Variants in HNF4A observed in about 807,000 individuals in gnomAD.
The protein encoded by HNF4A is hepatocyte nuclear factor 4-alpha.
Under a neutral mutation model 52.4 loss-of-function variants are expected in HNF4A, and 15 were observed. The observed-to-expected ratio is 0.29, with a 90% CI of 0.19 to 0.44. The LOEUF is 0.44. HNF4A is among the 20% of genes least tolerant of loss of function. HNF4A has a pLI of 1.00. For synonymous variants in HNF4A, 280 were observed against 264.4 expected, an observed-to-expected ratio of 1.06 and a Z score of -0.57; for missense variants, 479 against 647.2, an observed-to-expected ratio of 0.74 and a Z score of 2.82.
At chr20:44,397,633 T>C, upstream of HNF4A, among the ~76,000 whole-genome samples, 1 of 147,232 alleles carries the variant, frequency 6.8e-6, no homozygotes, top group Admixed American at 6.8e-5. Flanking sequence ...AAAACATTCT[T>C]TTTTTTTTTT....
intron 1 of HNF4A, among the ~76,000 whole-genome samples, chr20:44,359,295 T>A (rs1017212030): frequency 2.0e-5 from 3 of 152,196 alleles, no homozygotes; most frequent in Non-Finnish European, 4.4e-5. Context: ...ATTTGCCCCA[T>A]TATAACCCAA....
intron 3 of HNF4A, among the ~76,000 whole-genome samples, chr20:44,413,138 A>G (rs1043852143): frequency 1.3e-5 from 2 of 152,118 alleles, no homozygotes; most frequent in Non-Finnish European, 2.9e-5. Flanking sequence ...CAGTGCCTGG[A>G]ACAGAGCAGC....
At chr20:44,390,516 A>T in intron 1 of HNF4A, 2 of 670,470 alleles carry the variant, frequency 3.0e-6, no homozygotes, top group Non-Finnish European at 5.4e-6. Flanking sequence ...TGTGACCAGT[A>T]TTAAGGGATT....
Position 44,387,658 on chromosome 20 carries a change from G to C in HNF4A, c.50-18400G>C, listed in dbSNP as rs1030348887. ...GAAGGGGTGGGGTGGAGGCAGGCGG[G>C]GGGGGGGGGAGGCGGGGGGGGCGGT... On this transcript the variant is annotated intron_variant, in intron 1 of 9. Transcript: ENST00000316673. Among the ~76,000 whole-genome samples, 313 of 87,998 alleles carry C rather than the reference G, an allele frequency of 3.6e-3. 12 individuals are homozygous for C. The highest frequency in any genetic ancestry group is 0.012 in the African/African-American group (281 of 23,596). 57.7% of individuals were successfully genotyped at this position (87,998 alleles called of 152,430 possible).
intron 1 of HNF4A, among the ~76,000 whole-genome samples, chr20:44,405,033 C>G (rs201109659): frequency 0.021 from 85 of 4,064 alleles, no homozygotes; most frequent in African/African-American, 0.067. Context: ...CTGTGTGGTG[C>G]GTGTGTGTGC....
rs540153780 is a variant in HNF4A at position 44,431,492 on chromosome 20, G to A, written c.*1827G>A. The A allele has an allele frequency of 6.6e-6, 1 of 152,498 alleles. No homozygotes were observed. Among genetic ancestry groups the A allele is most frequent in the African/African-American group, 2.4e-5 (1 of 41,540 alleles). The allele number at this position is 152,498 out of a possible 1,614,324, so 9.4% of individuals were successfully genotyped here. On this transcript the variant is annotated 3_prime_UTR_variant, in exon 10 of 10. Coordinates refer to ENST00000316099, the MANE Select transcript of HNF4A (RefSeq NM_000457.6). ...GGCTCATCTGGCCTGTTGGCATGGG[G>A]GTGGGACAGTGTGCACAGTGTGGGG... is the stretch of plus-strand genomic sequence containing the variant.
Position 44,419,844 on chromosome 20 carries a change from C to T in HNF4A, c.860C>T (p.Ala287Val). 1 of 1,614,100 alleles carries T rather than the reference C, an allele frequency of 6.2e-7. No homozygotes were observed. The highest frequency in any genetic ancestry group is 8.5e-7 in the Non-Finnish European group (1 of 1,179,988). Reference sequence around the variant, plus strand: ...CTGCAGATCGATGACAATGAGTATGCCTACCTCAAAGCCATCATCTTCTTT... The same window carrying T: ...CTGCAGATCGATGACAATGAGTATGTCTACCTCAAAGCCATCATCTTCTTT... Residue 287 changes from alanine (A) to valine (V), a missense_variant, in exon 7 of 10, where the codon GCC (alanine) becomes GTC (valine). By Grantham distance (64) the Ala-to-Val change is moderately conservative (BLOSUM62 0). Around this residue, in one of 3 missense-constraint regions of HNF4A, gnomAD observed 389 missense variants for 525.1 expected, o/e 0.74. Coordinates refer to ENST00000316099, the MANE Select transcript of HNF4A (RefSeq NM_000457.6).
chr20:44,382,659 C>T (rs756690238), intron 1 of HNF4A, among the ~76,000 whole-genome samples: 4 of 152,150 alleles, frequency 2.6e-5, no homozygotes, highest in African/African-American at 7.2e-5. Flanking sequence ...TGCCAAGGAC[C>T]TCTTAGCTCC....
intron 3 of HNF4A, among the ~76,000 whole-genome samples, chr20:44,411,802 T>C (rs1251656821): frequency 6.6e-6 from 1 of 152,160 alleles, no homozygotes; most frequent in Non-Finnish European, 1.5e-5. Context: ...GCCTCGCACC[T>C]GTAATCCCAG....
chr20:44,382,245 C>CTTT (rs5841553), intron 1 of HNF4A, among the ~76,000 whole-genome samples: 1 of 145,812 alleles, frequency 6.9e-6, no homozygotes. Context: ...TTCTTTCTTT[C>CTTT]TTTTTTTTTT....
At chr20:44,393,254 G>A (rs145408367) in intron 1 of HNF4A, among the ~76,000 whole-genome samples, 1 of 152,344 alleles carries the variant, frequency 6.6e-6, no homozygotes, top group East Asian at 1.9e-4. Context: ...ACATAAACAG[G>A]AGGACAGCAA....
rs139335200 is a variant in HNF4A, at chr20:44,360,222, G to A, written c.49+4369G>A. ...GAATAAATGTATGTTTAGGTGGGTGGATAGGTGAATGGACTGATGAATGAA... is the reference window on the plus strand; with the variant it reads ...GAATAAATGTATGTTTAGGTGGGTGAATAGGTGAATGGACTGATGAATGAA... On this transcript the variant is annotated intron_variant, in intron 1 of 9. Coordinates refer to the HNF4A transcript ENST00000316673. 1.1e-3 allele frequency among the ~76,000 whole-genome samples: 167 copies of A among 152,278 alleles called. 1 individual carries two copies. Among genetic ancestry groups the A allele is most frequent in the Non-Finnish European group, 2.3e-3 (156 of 68,026 alleles).
intron 1 of HNF4A, among the ~76,000 whole-genome samples, chr20:44,382,538 G>A (rs1053106080): frequency 1.5e-4 from 23 of 151,794 alleles, no homozygotes; most frequent in African/African-American, 5.3e-4. Flanking sequence ...CGCTGCACTC[G>A]GCCTAAGGGG....
intron 1 of HNF4A, among the ~76,000 whole-genome samples, chr20:44,376,815 T>C (rs2063090402): frequency 6.6e-6 from 1 of 152,230 alleles, no homozygotes; most frequent in African/African-American, 2.4e-5. Context: ...TGATATACTG[T>C]ACATATCCTG....
rs1403424026 is a variant in HNF4A at position 44,414,492 on chromosome 20, C to T, written c.493-15C>T. On this transcript the variant is annotated splice_polypyrimidine_tract_variant and intron_variant, in intron 4 of 9. Coordinates refer to ENST00000316099, the MANE Select transcript of HNF4A (RefSeq NM_000457.6). ...CCGGACATCTCCAGCATTTTCTTCCCTGTATCTCTCGAAGATCACCTCCCC... is the reference window on the plus strand; with the variant it reads ...CCGGACATCTCCAGCATTTTCTTCCTTGTATCTCTCGAAGATCACCTCCCC... The T allele has an allele frequency of 6.2e-7, 1 of 1,614,228 alleles. No individual in the cohort carries two copies. The highest frequency in any genetic ancestry group is 1.1e-5 in the South Asian group (1 of 91,084).
At chr20:44,407,792 T>TGTGTG (rs2063524251) in intron 3 of HNF4A, among the ~76,000 whole-genome samples, 3 of 151,414 alleles carry the variant, frequency 2.0e-5, no homozygotes, top group South Asian at 4.2e-4. Context: ...TGTGTGTGTG[T>TGTGTG]TTAATATAAT....
upstream of HNF4A, among the ~76,000 whole-genome samples, chr20:44,397,764 G>C (rs1020682071): frequency 6.6e-6 from 1 of 151,812 alleles, no homozygotes; most frequent in African/African-American, 2.4e-5. Flanking sequence ...GGACTGCAGG[G>C]GCATGCCACC....
At chr20:44,370,249 G>A (rs1328388264) in intron 1 of HNF4A, among the ~76,000 whole-genome samples, 1 of 151,968 alleles carries the variant, frequency 6.6e-6, no homozygotes, top group Non-Finnish European at 1.5e-5. Flanking sequence ...GGATGGTCTC[G>A]ATCTCCTGAC....
At chr20:44,412,701 G>A (rs2063603375) in intron 3 of HNF4A, among the ~76,000 whole-genome samples, 1 of 152,156 alleles carries the variant, frequency 6.6e-6, no homozygotes, top group Non-Finnish European at 1.5e-5. Context: ...AGAGACAGCG[G>A]GCCTGGGAGC....
Sources: gnomAD v4.1 joint callset for allele counts (sites outside exome capture counted in the v4.1 genomes callset) on GRCh38, gnomAD v4.1.1 for gene constraint, gnomAD v4.1.1 regional missense constraint, MANE v1.5 for transcripts, NCBI Gene and HGNC (gene_info 2026-07-23, HGNC 2026-07-21) for gene names.